Variants in GALNT7 observed in about 807,000 individuals in gnomAD.
GALNT7 encodes N-acetylgalactosaminyltransferase 7.
A neutral mutation model predicts 82.1 loss-of-function variants in GALNT7; 60 were observed. The observed-to-expected ratio is 0.73, with a 90% CI of 0.59 to 0.91. The LOEUF (loss-of-function observed/expected upper bound fraction) is 0.91, where lower values mean the gene tolerates loss of function less well. Ranked by LOEUF, GALNT7 falls within the 40% of genes least tolerant of loss-of-function variation. The probability of loss-of-function intolerance (pLI) is 0.00; values close to 1 mark genes in which losing one functional copy is unlikely to be tolerated. For missense variants in GALNT7, 660 were observed against 804.2 expected (o/e 0.82, Z 2.17); for synonymous variants, 243 against 275.1 (o/e 0.88, Z 1.15).
In GALNT7 at chr4:173,295,732, G is replaced by C; in HGVS notation, c.886-32G>C. On this transcript the variant is annotated intron_variant, in intron 4 of 11. Transcript: ENST00000265000. ...TAATATATGATGTAACGTATATGAG[G>C]AGTATTCTTTCACCTGCCTCTTTTT... 4 of 1,354,272 alleles carry C rather than the reference G, an allele frequency of 3.0e-6. 1 individual carries two copies. The South Asian group carries it at 4.7e-5, about 16-fold the overall frequency. 83.9% of individuals were successfully genotyped at this position (1,354,272 alleles called of 1,614,324 possible). A position where few individuals can be genotyped will look rare whatever the true frequency, so the allele number is the denominator to read the frequency against.
intron 1 of GALNT7, among the ~76,000 whole-genome samples, chr4:173,197,435 A>G (rs1300210623): frequency 6.6e-6 from 1 of 150,636 alleles, no homozygotes; most frequent in Admixed American, 6.6e-5. Flanking sequence ...TTTACTTGTT[A>G]ATCAATTTAA....
rs2126608062 is a variant in GALNT7, at chr4:173,168,967, T to G, written c.126+6T>G. The G allele has an allele frequency of 6.2e-7, 1 of 1,610,464 alleles. No individual in the cohort carries two copies. The highest frequency in any genetic ancestry group is 8.5e-7 in the Non-Finnish European group (1 of 1,178,120). On this transcript the variant is annotated splice_donor_region_variant and intron_variant, in intron 1 of 11. Transcript: ENST00000265000. The stretch of plus-strand genomic sequence containing the variant: ...GCCCGCTGAGCAGGATGAGGGTGAG[T>G]GACCCGCCCGGCCCCCTCCGGCGGC...
intron 1 of GALNT7, among the ~76,000 whole-genome samples, chr4:173,207,660 TA>T (rs146737318): frequency 2.6e-3 from 400 of 152,346 alleles, no homozygotes; most frequent in African/African-American, 9.0e-3. Context: ...CTTTCTGGTT[TA>T]TTTTTTAAGT....
intron 2 of GALNT7, among the ~76,000 whole-genome samples, chr4:173,254,989 T>C (rs1354832641): frequency 6.6e-6 from 1 of 152,230 alleles, no homozygotes; most frequent in Non-Finnish European, 1.5e-5. Flanking sequence ...CATTGCATGT[T>C]AGAATTTTCT....
At chr4:173,298,400 C>A in intron 6 of GALNT7, 103 bp downstream of exon 6, 2 of 727,330 alleles carry the variant, frequency 2.7e-6, no homozygotes, top group Non-Finnish European at 4.4e-6. Context: ...TAGATGTTGT[C>A]TCAGATTCTG....
At chr4:173,194,995 CAGTG>C (rs1302087258) in intron 1 of GALNT7, among the ~76,000 whole-genome samples, 1 of 152,168 alleles carries the variant, frequency 6.6e-6, no homozygotes, top group Non-Finnish European at 1.5e-5. Flanking sequence ...TACTTAGAAT[CAGTG>C]AGTAAGTGAC....
chr4:173,296,521 G>A (rs534469013), intron 5 of GALNT7, among the ~76,000 whole-genome samples: 1 of 152,256 alleles, frequency 6.6e-6, no homozygotes, highest in Non-Finnish European at 1.5e-5. Flanking sequence ...TGTGAAGGCC[G>A]AACATGAACA....
rs2126829613 is a variant in GALNT7 at position 173,292,244 on chromosome 4, A to T, written c.724A>T (p.Ile242Phe). The change falls in exon 3 of 12, where the codon ATT (isoleucine) becomes TTT (phenylalanine). Residue 242 changes from isoleucine (I) to phenylalanine (F), a missense_variant. Physicochemically the swap from Ile to Phe is conservative, Grantham distance 21. Transcript: ENST00000265000. The surrounding 1 kb of genome is among the most constrained non-coding windows in gnomAD (Gnocchi z 4.8). ...GACTCCAAGGAAATATTTAGCAGAA[A>T]TTGTGTTAATTGACGATTTCAGTAA... ...KRTPRKYLAE[I>F]VLIDDFSNKE... 4.4e-6 allele frequency: 7 copies of T among 1,578,266 alleles called. No homozygotes were observed. The East Asian group carries it at 1.6e-4, about 37-fold the overall frequency.
chr4:173,274,118 G>A (rs1461311493), intron 2 of GALNT7, among the ~76,000 whole-genome samples: 50 of 152,086 alleles, frequency 3.3e-4, no homozygotes, highest in Admixed American at 3.3e-3. Context: ...GAGTTTTGAA[G>A]AAATATACAA....
At chr4:173,317,283 G>A in intron 9 of GALNT7, 1 of 222,590 alleles carries the variant, frequency 4.5e-6, no homozygotes, top group South Asian at 5.7e-5. Context: ...TCTAGGGCCA[G>A]GCCAGTGTTT....
chr4:173,254,125 T>C (rs907141902), intron 2 of GALNT7, among the ~76,000 whole-genome samples: 3 of 152,238 alleles, frequency 2.0e-5, no homozygotes, highest in Non-Finnish European at 4.4e-5. Flanking sequence ...CAAAGTGAGA[T>C]GATAGATGTA....
chr4:173,187,650 A>G (rs1409925367), intron 1 of GALNT7, among the ~76,000 whole-genome samples: 1 of 152,228 alleles, frequency 6.6e-6, no homozygotes, highest in East Asian at 1.9e-4. Flanking sequence ...TTACCCCAAC[A>G]TAGTTCATAA....
At chr4:173,257,951 C>T (rs1735106082) in intron 2 of GALNT7, among the ~76,000 whole-genome samples, 1 of 152,202 alleles carries the variant, frequency 6.6e-6, no homozygotes, top group Non-Finnish European at 1.5e-5. Context: ...CCAGAGTCCA[C>T]ACGTGGTAAG....
At chr4:173,249,796 C>T (rs1489332482) in intron 2 of GALNT7, among the ~76,000 whole-genome samples, 1 of 152,090 alleles carries the variant, frequency 6.6e-6, no homozygotes, top group African/African-American at 2.4e-5. Flanking sequence ...CAGTCTTAGT[C>T]AGGAGATAAA....
chr4:173,224,821 G>T (rs574184115), intron 1 of GALNT7, among the ~76,000 whole-genome samples: 2 of 151,528 alleles, frequency 1.3e-5, no homozygotes, highest in Non-Finnish European at 2.9e-5. Context: ...GACCATCCTG[G>T]CTAACACGGT....
intron 2 of GALNT7, among the ~76,000 whole-genome samples, chr4:173,273,625 G>A (rs1735803220): frequency 6.6e-6 from 1 of 152,114 alleles, no homozygotes. Context: ...ACTCACTTGG[G>A]GTGGTGCGTT....
At chr4:173,213,769 T>A (rs1352526987) in intron 1 of GALNT7, among the ~76,000 whole-genome samples, 1 of 152,190 alleles carries the variant, frequency 6.6e-6, no homozygotes, top group Non-Finnish European at 1.5e-5. Context: ...AGATAAATAT[T>A]CAAGCACTGA....
At chr4:173,282,090 A>G (rs577075378) in intron 2 of GALNT7, among the ~76,000 whole-genome samples, 150 of 152,316 alleles carry the variant, frequency 9.8e-4, no homozygotes, top group Non-Finnish European at 1.9e-3. Flanking sequence ...AAGCTTTTAT[A>G]AGAAACTCTT....
intron 1 of GALNT7, among the ~76,000 whole-genome samples, chr4:173,183,741 G>GC (rs1212960729): frequency 1.4e-4 from 20 of 141,298 alleles, no homozygotes; most frequent in Non-Finnish European, 2.5e-4. Context: ...GGCGGGGTCT[G>GC]CCCCCCACCT....
Sources: gnomAD v4.1 joint callset for allele counts (sites outside exome capture counted in the v4.1 genomes callset) on GRCh38, gnomAD v4.1.1 for gene constraint, Gnocchi (gnomAD v3.1) non-coding constraint, MANE v1.5 for transcripts, NCBI Gene and HGNC (gene_info 2026-07-23, HGNC 2026-07-21) for gene names.